Variants in MTFR1 observed in about 807,000 individuals in gnomAD.
MTFR1 encodes mitochondrial fission regulator 1, also known as chondrocyte protein with a poly-proline region.
In MTFR1, 28 loss-of-function variants were observed where a neutral mutation model predicts 38.8. The observed-to-expected ratio is 0.72, with a 90% CI of 0.53 to 0.99. MTFR1 has a LOEUF of 0.99. Ranked by LOEUF, MTFR1 falls within the 50% of genes least tolerant of loss-of-function variation. MTFR1 has a pLI of 0.00. For synonymous variants in MTFR1, 145 were observed against 137.0 expected, an observed-to-expected ratio of 1.06 and a Z score of -0.41; for missense variants, 358 against 395.5, an observed-to-expected ratio of 0.91 and a Z score of 0.81.
intron 3 of MTFR1, chr8:65,724,204 TAA>T: frequency 2.6e-6 from 3 of 1,139,572 alleles, no homozygotes; most frequent in African/African-American, 1.5e-5. Flanking sequence ...CTTACGATGT[TAA>T]AAAAAAATGA....
downstream of MTFR1, among the ~76,000 whole-genome samples, chr8:65,774,943 A>G (rs1001203700): frequency 2.0e-5 from 3 of 152,234 alleles, no homozygotes; most frequent in Non-Finnish European, 4.4e-5. Flanking sequence ...ACATCTTAGT[A>G]TTACGATGAA....
chr8:65,707,788 C>G, intron 6 of MTFR1, 55 bp from the exon 7 acceptor site: 1 of 1,581,222 alleles, frequency 6.3e-7, no homozygotes, highest in South Asian at 1.2e-5. Flanking sequence ...AAGTACTTCC[C>G]TGAGGGTGGC....
At chr8:65,710,817 T>A (rs911508892), downstream of MTFR1, among the ~76,000 whole-genome samples, 3 of 152,154 alleles carry the variant, frequency 2.0e-5, no homozygotes, top group Non-Finnish European at 4.4e-5. Flanking sequence ...AAATTTGTCT[T>A]CCCAGCTTCT....
chr8:65,660,448 A>C (rs909156582), intron 1 of MTFR1, among the ~76,000 whole-genome samples: 2 of 152,202 alleles, frequency 1.3e-5, no homozygotes, highest in African/African-American at 4.8e-5. Context: ...GCATTTGAGT[A>C]TATAGACTGA....
At chr8:65,765,886 G>C (rs1808758525) in intron 3 of MTFR1, among the ~76,000 whole-genome samples, 3 of 152,194 alleles carry the variant, frequency 2.0e-5, no homozygotes, top group Admixed American at 2.0e-4. Flanking sequence ...AAAATAATGT[G>C]TAACTAAAGA....
At chr8:65,646,683 G>A (rs1323160756) in intron 1 of MTFR1, among the ~76,000 whole-genome samples, 3 of 152,114 alleles carry the variant, frequency 2.0e-5, no homozygotes, top group Non-Finnish European at 4.4e-5. Context: ...GTGTGACACT[G>A]TATTTAAAAA....
At chr8:65,676,609 C>A (rs1804714247) in intron 2 of MTFR1, among the ~76,000 whole-genome samples, 2 of 152,178 alleles carry the variant, frequency 1.3e-5, no homozygotes, top group African/African-American at 4.8e-5. Flanking sequence ...AGTGATCCAC[C>A]CTCTTCAGCC....
chr8:65,673,209 T>C (rs1275946298), intron 2 of MTFR1, among the ~76,000 whole-genome samples: 1 of 152,178 alleles, frequency 6.6e-6, no homozygotes, highest in Non-Finnish European at 1.5e-5. Flanking sequence ...AGTGTTGTTT[T>C]GACTCAGAAT....
intron 1 of MTFR1, among the ~76,000 whole-genome samples, chr8:65,645,958 A>G (rs1478293700): frequency 6.6e-6 from 1 of 152,228 alleles, no homozygotes; most frequent in Non-Finnish European, 1.5e-5. Context: ...AAGTAAAATA[A>G]GGGACATATT....
chr8:65,723,698 C>T, intron 3 of MTFR1: 1 of 1,008,094 alleles, frequency 9.9e-7, no homozygotes, highest in Non-Finnish European at 1.4e-6. Flanking sequence ...CTTGAACATA[C>T]CTGTGCATTT....
intron 3 of MTFR1, among the ~76,000 whole-genome samples, chr8:65,688,607 C>T (rs930660575): frequency 2.7e-5 from 4 of 150,460 alleles, no homozygotes; most frequent in African/African-American, 9.7e-5. Flanking sequence ...CGCCACCACG[C>T]CCAGCTAATT....
chr8:65,760,418 C>G (rs1292759044), intron 3 of MTFR1, among the ~76,000 whole-genome samples: 1 of 152,104 alleles, frequency 6.6e-6, no homozygotes, highest in Non-Finnish European at 1.5e-5. Flanking sequence ...ATCCTTATAA[C>G]TAAATTTTTG....
At chr8:65,670,330 C>G (rs1348763531) in intron 2 of MTFR1, among the ~76,000 whole-genome samples, 1 of 152,142 alleles carries the variant, frequency 6.6e-6, no homozygotes, top group African/African-American at 2.4e-5. Context: ...TTGGCCAACA[C>G]TTGACAGCGC....
intron 3 of MTFR1, chr8:65,727,065 C>A: frequency 1.0e-6 from 1 of 1,000,994 alleles, no homozygotes; most frequent in Non-Finnish European, 1.6e-6. Context: ...GGTTAAAATT[C>A]TAACATTCAT....
chr8:65,662,370 G>T (rs1330369134), intron 1 of MTFR1, among the ~76,000 whole-genome samples: 2 of 152,050 alleles, frequency 1.3e-5, no homozygotes, highest in East Asian at 3.9e-4. Flanking sequence ...GAGGTGCCGG[G>T]ATGGCAGACG....
downstream of MTFR1, among the ~76,000 whole-genome samples, chr8:65,773,107 A>T (rs933720965): frequency 6.6e-6 from 1 of 152,232 alleles, no homozygotes; most frequent in African/African-American, 2.4e-5. Flanking sequence ...GAAGAAGGGA[A>T]GGCCTGAAGA....
At position 65,709,117 on chromosome 8, in the gene MTFR1, G is replaced by A; in HGVS notation, c.*73G>A. 1 of 1,336,606 alleles carries A rather than the reference G, an allele frequency of 7.5e-7. No homozygotes were observed. Among genetic ancestry groups the A allele is most frequent in the Non-Finnish European group, 1.1e-6 (1 of 928,048 alleles). 82.8% of individuals were successfully genotyped at this position (1,336,606 alleles called of 1,614,324 possible). ...AGGGCCAAGTTTGCTAGTAGAAATCGACACTGTTTAGTAAATACCTCTTTA... is the reference window on the plus strand; with the variant it reads ...AGGGCCAAGTTTGCTAGTAGAAATCAACACTGTTTAGTAAATACCTCTTTA... On this transcript the variant is annotated 3_prime_UTR_variant, in exon 8 of 8. Coordinates refer to ENST00000262146, the MANE Select transcript of MTFR1 (RefSeq NM_014637.4).
chr8:65,668,435 G>A lies in MTFR1; in HGVS notation c.-80-1438G>A, dbSNP rs554337560. 9.0e-5 allele frequency among the ~76,000 whole-genome samples: 13 copies of A among 145,050 alleles called. No individual in the cohort carries two copies. In the East Asian group the frequency reaches 2.3e-3, roughly 25 times the overall value. Reference sequence around the variant, plus strand: ...ACTCCTGACCTCAAGTGATCCGCCCGCCTCAGCCCCCCAAAATGCTGGGAT... The same window carrying A: ...ACTCCTGACCTCAAGTGATCCGCCCACCTCAGCCCCCCAAAATGCTGGGAT... On this transcript the variant is annotated intron_variant, in intron 1 of 7. Coordinates refer to ENST00000262146, the MANE Select transcript of MTFR1 (RefSeq NM_014637.4).
At chr8:65,699,139 C>T (rs930198068) in intron 4 of MTFR1, among the ~76,000 whole-genome samples, 5 of 152,156 alleles carry the variant, frequency 3.3e-5, no homozygotes, top group African/African-American at 1.2e-4. Flanking sequence ...TAATGGCTTC[C>T]AGCTCCATCC....
Sources: allele counts gnomAD v4.1 joint callset (sites outside exome capture counted in the v4.1 genomes callset), GRCh38; gene constraint gnomAD v4.1.1; transcripts MANE v1.5; gene names NCBI Gene and HGNC (gene_info 2026-07-23, HGNC 2026-07-21).